LRRC4C: variants seen among roughly 807,000 people sequenced by gnomAD.
LRRC4C encodes the protein leucine-rich repeat-containing protein 4C.
LRRC4C carries 5 observed loss-of-function variants against 33.6 expected under a neutral mutation model. The ratio of observed to expected loss-of-function variants is 0.15; its 90% CI spans 0.08 to 0.31. The LOEUF (loss-of-function observed/expected upper bound fraction) is 0.31. LRRC4C is among the 10% of genes least tolerant of loss of function. LRRC4C has a pLI of 1.00. For synonymous variants in LRRC4C, 329 were observed against 302.0 expected, an observed-to-expected ratio of 1.09 and a Z score of -0.93; for missense variants, 560 against 796.7, an observed-to-expected ratio of 0.70 and a Z score of 3.58.
rs35252620 is a variant in LRRC4C at position 40,653,851 on chromosome 11, A to AT, written c.-406-5574_-406-5573insA. 3.5e-3 allele frequency among the ~76,000 whole-genome samples: 539 copies of AT among 152,176 alleles called. 5 individuals carry two copies. The highest frequency in any genetic ancestry group is 0.013 in the African/African-American group (521 of 41,528). On this transcript the variant is annotated intron_variant, in intron 2 of 6. Coordinates refer to ENST00000528697, the MANE Select transcript of LRRC4C (RefSeq NM_001258419.2). ...CAGGCCAAGAAGCCTAGAAGAAAAAACTGGTTTCATGGGCCAGGGCCCAGG... is the reference window on the plus strand; with the variant it reads ...CAGGCCAAGAAGCCTAGAAGAAAAAATCTGGTTTCATGGGCCAGGGCCCAGG...
chr11:41,187,718 A>G (rs2136192818), intron 1 of LRRC4C, among the ~76,000 whole-genome samples: 1 of 152,272 alleles, frequency 6.6e-6, no homozygotes, highest in East Asian at 1.9e-4. Context: ...GGCAAAACTA[A>G]AAGAGCACCC....
chr11:40,600,447 ACTAAGTG>A (rs1959869766), intron 3 of LRRC4C, among the ~76,000 whole-genome samples: 1 of 152,222 alleles, frequency 6.6e-6, no homozygotes, highest in Non-Finnish European at 1.5e-5. Context: ...CTACTCAATT[ACTAAGTG>A]GTTTTTCAAT....
At chr11:40,768,823 G>T (rs1336685449) in intron 2 of LRRC4C, among the ~76,000 whole-genome samples, 2 of 151,932 alleles carry the variant, frequency 1.3e-5, no homozygotes, top group Non-Finnish European at 2.9e-5. Flanking sequence ...GACTGGAAAT[G>T]GAACATACTT....
At chr11:40,350,105 A>G (rs985619031) in intron 3 of LRRC4C, among the ~76,000 whole-genome samples, 2 of 151,880 alleles carry the variant, frequency 1.3e-5, no homozygotes, top group Non-Finnish European at 2.9e-5. Context: ...ATTTAATTTC[A>G]TTTGTCTGTT....
chr11:40,444,734 C>T (rs573677636), intron 3 of LRRC4C, among the ~76,000 whole-genome samples: 2 of 152,122 alleles, frequency 1.3e-5, no homozygotes, highest in African/African-American at 4.8e-5. Flanking sequence ...CTGTTAAAAG[C>T]AACAACACAA....
In LRRC4C at chr11:40,670,888, C is replaced by T. The variant is rs565782489; in HGVS notation, c.-406-22610G>A. Reference sequence around the variant, plus strand: ...ACGCCATTCTCCTGCCTCAGCCTCCCGAGTGGCTGGGACTATAGGTGCCCG... The same window carrying T: ...ACGCCATTCTCCTGCCTCAGCCTCCTGAGTGGCTGGGACTATAGGTGCCCG... On this transcript the variant is annotated intron_variant, in intron 2 of 6. Transcript: ENST00000528697. Among the ~76,000 whole-genome samples, 6 of 152,260 alleles carry T rather than the reference C, an allele frequency of 3.9e-5. No individual in the cohort carries two copies. The South Asian group carries it at 8.3e-4, about 21-fold the overall frequency.
Position 41,211,836 on chromosome 11 carries a change from G to T in LRRC4C, c.-496+247595C>A, listed in dbSNP as rs557313045. 9.0e-4 allele frequency among the ~76,000 whole-genome samples: 137 copies of T among 152,174 alleles called. 1 individual carries two copies. The highest frequency in any genetic ancestry group is 1.6e-3 in the Non-Finnish European group (108 of 68,030). ...AGCAGCATGATTTATATTCCTTTGG[G>T]TATATACCCAGTAATGGGATGGCTG... On this transcript the variant is annotated intron_variant, in intron 1 of 6. Transcript: ENST00000528697.
At chr11:40,215,035 A>C (rs4400793) in intron 5 of LRRC4C, among the ~76,000 whole-genome samples, 127,258 of 152,024 alleles carry the variant, frequency 0.84, 54,585 homozygotes, top group East Asian at 0.96. Flanking sequence ...GACATTAATC[A>C]ATGATGCAAA....
intron 1 of LRRC4C, among the ~76,000 whole-genome samples, chr11:41,445,733 G>A (rs1955800290): frequency 6.6e-6 from 1 of 152,010 alleles, no homozygotes. Context: ...AAGAGTTACT[G>A]GAGGAATTAA....
At chr11:40,170,366 G>T (rs1322387843) in intron 5 of LRRC4C, among the ~76,000 whole-genome samples, 1 of 152,126 alleles carries the variant, frequency 6.6e-6, no homozygotes, top group Non-Finnish European at 1.5e-5. Flanking sequence ...TCCTGTAAAG[G>T]GCTCACTCGG....
chr11:40,279,177 C>G (rs771949000), intron 4 of LRRC4C, among the ~76,000 whole-genome samples: 30 of 152,150 alleles, frequency 2.0e-4, no homozygotes, highest in Admixed American at 1.3e-3. Flanking sequence ...TCAGCAAATT[C>G]TCTTTTTTGC....
chr11:40,394,679 T>C (rs1949470049), intron 3 of LRRC4C, among the ~76,000 whole-genome samples: 1 of 152,038 alleles, frequency 6.6e-6, no homozygotes, highest in South Asian at 2.1e-4. Context: ...TCTTGACTTG[T>C]GAACAGGCAA....
chr11:41,442,458 CTTTTTTTTTTT>C (rs775679545), intron 1 of LRRC4C, among the ~76,000 whole-genome samples: 2 of 84,070 alleles, frequency 2.4e-5, no homozygotes, highest in African/African-American at 4.8e-5. Context: ...TTGCTTTTTT[CTTTTTTTTTTT>C]TTTTTTTTTT....
intron 1 of LRRC4C, among the ~76,000 whole-genome samples, chr11:41,430,650 A>G (rs1249325346): frequency 1.3e-5 from 2 of 152,150 alleles, no homozygotes; most frequent in Non-Finnish European, 2.9e-5. Flanking sequence ...ACAGGAACAG[A>G]ACTCAATTTT....
chr11:40,880,227 A>C (rs780918324), intron 2 of LRRC4C, among the ~76,000 whole-genome samples: 1 of 152,094 alleles, frequency 6.6e-6, no homozygotes, highest in Non-Finnish European at 1.5e-5. Flanking sequence ...TATTCCGTGT[A>C]AGTACCAATA....
chr11:40,693,630 C>A (rs573445950), intron 2 of LRRC4C, among the ~76,000 whole-genome samples: 2 of 152,046 alleles, frequency 1.3e-5, no homozygotes, highest in East Asian at 3.9e-4. Context: ...GAGAGGTGAG[C>A]CAGATAAACA....
At chr11:41,115,401 A>G (rs1397186815) in intron 1 of LRRC4C, among the ~76,000 whole-genome samples, 1 of 150,740 alleles carries the variant, frequency 6.6e-6, no homozygotes, top group East Asian at 2.0e-4. Flanking sequence ...TTTTTAGCCC[A>G]TAGACATTCT....
At chr11:40,480,040 G>A (rs1953464266) in intron 3 of LRRC4C, among the ~76,000 whole-genome samples, 1 of 152,102 alleles carries the variant, frequency 6.6e-6, no homozygotes, top group Admixed American at 6.6e-5. Flanking sequence ...ATATTTGAAA[G>A]GCAATTAAGC....
chr11:41,351,265 A>G (rs993628619), intron 1 of LRRC4C, among the ~76,000 whole-genome samples: 28 of 151,750 alleles, frequency 1.8e-4, no homozygotes, highest in Non-Finnish European at 3.5e-4. Context: ...ACACACACAC[A>G]CACACATACA....
Sources: allele counts gnomAD v4.1 joint callset (sites outside exome capture counted in the v4.1 genomes callset), GRCh38; gene constraint gnomAD v4.1.1; transcripts MANE v1.5; gene names NCBI Gene and HGNC (gene_info 2026-07-23, HGNC 2026-07-21).